DSP: variants seen among roughly 807,000 people sequenced by gnomAD.
The protein encoded by DSP is 250/210 kDa paraneoplastic pemphigus antigen.
In DSP, 114 loss-of-function variants were observed where a neutral mutation model predicts 290.6. That is an observed-to-expected ratio of 0.39 (90% CI 0.34 to 0.46). The LOEUF is 0.46. Ranked by LOEUF, DSP falls within the 20% of genes least tolerant of loss-of-function variation. The pLI is 0.99. For missense variants in DSP, 3,230 were observed against 3,495.8 expected (o/e 0.92, Z 1.92); for synonymous variants, 1,311 against 1,316.4 (o/e 1.00, Z 0.09).
Position 7,580,510 on chromosome 6 carries a change from G to A in DSP, c.4320G>A (p.Val1440=), listed in dbSNP as rs571103583. ...IQQQKATGSE[V]SQRKQQLEVE... ...AGCAAAAGGCCACTGGCTCTGAGGT[G>A]TCTCAGAGGAAACAGCAGCTGGAGG... Residue 1440 remains valine, a synonymous_variant, in exon 23 of 24, where the codon GTG becomes GTA. Coordinates refer to ENST00000379802, the MANE Select transcript of DSP (RefSeq NM_004415.4). The surrounding 1 kb of genome is among the most constrained non-coding windows in gnomAD (Gnocchi z 4.2). 321 of 1,614,158 alleles carry A rather than the reference G, an allele frequency of 2.0e-4. 2 individuals are homozygous for A. The South Asian group carries it at 2.8e-3, about 14-fold the overall frequency.
chr6:7,567,065 C>G (rs564214998), intron 8 of DSP, among the ~76,000 whole-genome samples: 41 of 152,222 alleles, frequency 2.7e-4, no homozygotes, highest in African/African-American at 9.6e-4. Flanking sequence ...CAGTGCTAGC[C>G]CCAGTGACAG....
chr6:7,543,372 C>T (rs1758074988), intron 1 of DSP, among the ~76,000 whole-genome samples: 1 of 144,698 alleles, frequency 6.9e-6, no homozygotes, highest in South Asian at 2.2e-4. Context: ...ATTTATGGGG[C>T]ATCCTGAAAA....
At chr6:7,557,120 C>G (rs931382748) in intron 2 of DSP, among the ~76,000 whole-genome samples, 1 of 152,172 alleles carries the variant, frequency 6.6e-6, no homozygotes, top group African/African-American at 2.4e-5. Flanking sequence ...GTAAAAGCAG[C>G]AAATATAAAA....
In DSP at chr6:7,583,783, A is replaced by G. The variant is rs1475503974; in HGVS notation, c.6521A>G (p.Asp2174Gly). The G allele has an allele frequency of 6.2e-7, 1 of 1,613,980 alleles. No individual in the cohort carries two copies. The highest frequency in any genetic ancestry group is 2.2e-5 in the East Asian group (1 of 44,892). ...CGAGATAGTCAGAAAAACTTTGTGG[A>G]TCCAGTCACCAAAAAGAAGGTCAGT... ...DPRDSQKNFV[D>G]PVTKKKVSYV... The change falls in exon 24 of 24, where the codon GAT (aspartate) becomes GGT (glycine). Residue 2174 changes from aspartate to glycine, a missense_variant. Around this residue, in one of 5 missense-constraint regions of DSP, gnomAD observed 1,714 missense variants for 1,844.5 expected, o/e 0.93. Transcript: ENST00000379802. This position sits in a 1 kb window ranked among gnomAD's most constrained non-coding sequence, Gnocchi z 4.0.
rs112764594 is a variant in DSP, at chr6:7,571,971, A to G, written c.2033A>G (p.Gln678Arg). Residue 678 changes from glutamine (Q) to arginine (R), a missense_variant, in exon 15 of 24, where the codon CAG becomes CGG. By Grantham distance (43) the Gln-to-Arg change is conservative. This residue lies in a region of DSP where 1,714 missense variants were observed against 1,844.5 expected (regional missense o/e 0.93). Coordinates refer to ENST00000379802, the MANE Select transcript of DSP (RefSeq NM_004415.4). ...ATGGAGCTGCAGAAGATTCGCAGGC[A>G]GATAGAGCACTGCGAGGGCAGGATG... ...MLMELQKIRR[Q>R]IEHCEGRMTL... 37 of 1,614,220 alleles carry G rather than the reference A, an allele frequency of 2.3e-5. No homozygotes were observed. The highest frequency in any genetic ancestry group is 2.0e-4 in the African/African-American group (15 of 75,062).
Position 7,555,766 on chromosome 6 carries a change from G to A in DSP, c.219G>A (p.Glu73=). The part of the protein sequence containing the change: ...SRHQNQNTIQ[E]LLQNCSDCLM... ...ACCAGAACCAGAACACCATCCAGGA[G>A]CTGCTGCAGAACTGCTCCGACTGCT... is the stretch of plus-strand genomic sequence containing the variant. The change falls in exon 2 of 24, where the codon GAG becomes GAA. Residue 73 remains glutamate, a synonymous_variant. Coordinates refer to ENST00000379802, the MANE Select transcript of DSP (RefSeq NM_004415.4). 6.2e-7 allele frequency: 1 copy of A among 1,614,244 alleles called. No homozygotes were observed. Among genetic ancestry groups the A allele is most frequent in the African/African-American group, 1.3e-5 (1 of 75,074 alleles).
At chr6:7,581,666 C>G in intron 23 of DSP, 97 bp downstream of exon 23, 5 of 1,517,140 alleles carry the variant, frequency 3.3e-6, no homozygotes, top group Non-Finnish European at 4.4e-6. Flanking sequence ...TAAATAGATG[C>G]TTATAGAAAA....
At position 7,584,622 on chromosome 6, in the gene DSP, C is replaced by G. The variant is rs373890201; in HGVS notation, c.7360C>G (p.Gln2454Glu). ...TCTGAAAGAAAAGAAGAAACAGGTG[C>G]AGACATCACAAAAGAATACCCTCAG... ...LPLKEKKKQV[Q>E]TSQKNTLRKR... The change falls in exon 24 of 24, where the codon CAG becomes GAG. Residue 2454 changes from glutamine to glutamate, a missense_variant. This residue lies in a region of DSP where 582 missense variants were observed against 555.4 expected (regional missense o/e 1.05). Coordinates refer to ENST00000379802, the MANE Select transcript of DSP (RefSeq NM_004415.4). This position sits in a 1 kb window ranked among gnomAD's most constrained non-coding sequence, Gnocchi z 6.4. 15 of 1,613,876 alleles carry G rather than the reference C, an allele frequency of 9.3e-6. No homozygotes were observed. The highest frequency in any genetic ancestry group is 1.1e-5 in the Non-Finnish European group (13 of 1,179,966).
chr6:7,568,002 C>A (rs1758916237), intron 10 of DSP, 96 bp downstream of exon 10: 2 of 1,541,116 alleles, frequency 1.3e-6, no homozygotes, highest in Non-Finnish European at 1.8e-6. Flanking sequence ...TATTATTGTA[C>A]AATGCACGCC....
chr6:7,570,031 C>T (rs186431587), intron 12 of DSP, among the ~76,000 whole-genome samples: 1 of 152,202 alleles, frequency 6.6e-6, no homozygotes, highest in South Asian at 2.1e-4. Flanking sequence ...TTGTCCATGG[C>T]AGATTCCTTT....
chr6:7,569,492 C>T, intron 12 of DSP, 152 bp downstream of exon 12: 1 of 1,102,938 alleles, frequency 9.1e-7, no homozygotes, highest in Non-Finnish European at 1.3e-6. Context: ...GTCACCTTCA[C>T]TTTGTCTTGC....
intron 1 of DSP, among the ~76,000 whole-genome samples, chr6:7,548,624 G>T (rs935861507): frequency 2.6e-5 from 4 of 152,206 alleles, no homozygotes; most frequent in African/African-American, 9.6e-5. Context: ...AAACCGCCTG[G>T]AAAAGAAGCA....
At position 7,582,052 on chromosome 6, in the gene DSP, C is replaced by A. The variant is rs931170110; in HGVS notation, c.5379+483C>A. Among the ~76,000 whole-genome samples the A allele has an allele frequency of 6.6e-6, 1 of 151,404 alleles. No individual in the cohort carries two copies. Among genetic ancestry groups the A allele is most frequent in the African/African-American group, 2.4e-5 (1 of 41,196 alleles). On this transcript the variant is annotated intron_variant, in intron 23 of 23. Transcript: ENST00000379802. This position sits in a 1 kb window ranked among gnomAD's most constrained non-coding sequence, Gnocchi z 4.2. Reference sequence around the variant, plus strand: ...TTTTGATCATGGCCCTAGTGTGTTTCCTTTTGTTTGACTTTCCTTCTCCTA... The same window carrying A: ...TTTTGATCATGGCCCTAGTGTGTTTACTTTTGTTTGACTTTCCTTCTCCTA...
Position 7,569,075 on chromosome 6 carries a change from G to A in DSP, c.1420-111G>A, listed in dbSNP as rs1758951182. ...ATCAGCTTCATTTGAGGGGAAAAAC[G>A]TAAAAGCTTTAATAATTCGCATGTG... is the stretch of plus-strand genomic sequence containing the variant. On this transcript the variant is annotated intron_variant, in intron 11 of 23. Coordinates refer to ENST00000379802, the MANE Select transcript of DSP (RefSeq NM_004415.4). 8.2e-6 allele frequency: 12 copies of A among 1,466,248 alleles called. No homozygotes were observed. The East Asian group carries it at 1.1e-4, about 14-fold the overall frequency. The allele number at this position is 1,466,248 out of a possible 1,614,324, so 90.8% of individuals were successfully genotyped here.
In DSP at chr6:7,585,516, C is replaced by G; in HGVS notation, c.8254C>G (p.Arg2752Gly). The G allele has an allele frequency of 1.9e-6, 3 of 1,614,104 alleles. No individual in the cohort carries two copies. The highest frequency in any genetic ancestry group is 2.5e-6 in the Non-Finnish European group (3 of 1,180,026). The stretch of plus-strand genomic sequence containing the variant: ...GAGGATAAGCACCGAAGAAGCCATC[C>G]GGAAGGGGTTCATAGATGGCCGCGC... Reference protein sequence around the residue: ...HGRISTEEAIRKGFIDGRAAQ... With the variant: ...HGRISTEEAIGKGFIDGRAAQ... The change falls in exon 24 of 24, where the codon CGG (arginine) becomes GGG (glycine). Residue 2752 changes from arginine (R) to glycine (G), a missense_variant. Physicochemically the swap from Arg to Gly is moderately radical, Grantham distance 125. This residue lies in a region of DSP where 582 missense variants were observed against 555.4 expected (regional missense o/e 1.05). Coordinates refer to ENST00000379802, the MANE Select transcript of DSP (RefSeq NM_004415.4).
Position 7,562,650 on chromosome 6 carries a change from A to G in DSP, c.598-2A>G, listed in dbSNP as rs769107659. On this transcript the variant is annotated splice_acceptor_variant, in intron 4 of 23. Transcript: ENST00000379802. LOFTEE classifies it high-confidence loss of function. Reference sequence around the variant, plus strand: ...GCGCCTCTCTTTGTCTTTGTGTCGCAGGCGGAGATGGACATGGTGGCCTGG... The same window carrying G: ...GCGCCTCTCTTTGTCTTTGTGTCGCGGGCGGAGATGGACATGGTGGCCTGG... The G allele has an allele frequency of 6.2e-7, 1 of 1,614,092 alleles. No homozygotes were observed.
In DSP at chr6:7,565,073, G is replaced by C. The variant is rs993063627; in HGVS notation, c.778-286G>C. ...GCAGGAGAATCGCTTAAACCCGGGA[G>C]GGGGAGGTTGCAGTGAACCGAGATC... On this transcript the variant is annotated intron_variant, in intron 6 of 23. Transcript: ENST00000379802. The surrounding 1 kb of genome is among the most constrained non-coding windows in gnomAD (Gnocchi z 4.2). 2.6e-5 allele frequency among the ~76,000 whole-genome samples: 4 copies of C among 152,160 alleles called. No homozygotes were observed. The highest frequency in any genetic ancestry group is 5.9e-5 in the Non-Finnish European group (4 of 68,024).
chr6:7,578,464 G>A lies in DSP; in HGVS notation c.2986G>A (p.Ala996Thr). The change falls in exon 22 of 24, where the codon GCT becomes ACT. Residue 996 changes from alanine (A) to threonine (T), a missense_variant and splice_region_variant. Ala to Thr is a moderately conservative substitution (Grantham distance 58). Around this residue, in one of 5 missense-constraint regions of DSP, gnomAD observed 1,714 missense variants for 1,844.5 expected, o/e 0.93. Transcript: ENST00000379802. ...QSPSGVILQE[A>T]ADVHARYIEL... ...CTTTCTTTCCTTCCTTTTCTCCAAG[G>A]CTGCAGATGTTCATGCTCGGTACAT... The A allele has an allele frequency of 6.2e-7, 1 of 1,612,414 alleles. No individual in the cohort carries two copies. The highest frequency in any genetic ancestry group is 1.3e-5 in the African/African-American group (1 of 74,724).
chr6:7,559,501 A>C lies in DSP; in HGVS notation c.597+101A>C, dbSNP rs150601379. On this transcript the variant is annotated intron_variant, in intron 4 of 23. Transcript: ENST00000379802. ...TGTGACAAAGAGTCTTCTAGACCTC[A>C]GGTGGCGGCAGCAGCTTGCTGTTTG... 8.2e-4 allele frequency: 1,192 copies of C among 1,456,112 alleles called. 9 individuals are homozygous for C. The African/African-American group carries it at 0.014, about 18-fold the overall frequency. The allele number at this position is 1,456,112 out of a possible 1,614,324, so 90.2% of individuals were successfully genotyped here. A position where few individuals can be genotyped will look rare whatever the true frequency, so the allele number is the denominator to read the frequency against.
Sources: allele counts gnomAD v4.1 joint callset (sites outside exome capture counted in the v4.1 genomes callset), GRCh38; gene constraint gnomAD v4.1.1; regional missense constraint gnomAD v4.1.1; non-coding constraint Gnocchi (gnomAD v3.1); transcripts MANE v1.5; gene names NCBI Gene and HGNC (gene_info 2026-07-23, HGNC 2026-07-21).